Variants in ASIC2 observed in about 807,000 individuals in gnomAD.
ASIC2 encodes acid sensing ion channel subunit 2.
A neutral mutation model predicts 57.3 loss-of-function variants in ASIC2; 25 were observed. That is an observed-to-expected ratio of 0.44 (90% CI 0.32 to 0.61). ASIC2 has a LOEUF of 0.61. Ranked by LOEUF, ASIC2 falls within the 20% of genes least tolerant of loss-of-function variation. The pLI, the probability that ASIC2 is intolerant of heterozygous loss-of-function variation, is 0.06. For synonymous variants in ASIC2, 319 were observed against 307.5 expected, an observed-to-expected ratio of 1.04 and a Z score of -0.39; for missense variants, 641 against 738.1, an observed-to-expected ratio of 0.87 and a Z score of 1.52.
At chr17:33,594,686 G>A (rs372828934) in intron 1 of ASIC2, among the ~76,000 whole-genome samples, 2 of 152,226 alleles carry the variant, frequency 1.3e-5, no homozygotes, top group East Asian at 3.9e-4. Flanking sequence ...AAATTAGCCA[G>A]GCGTGCTGGC....
At position 33,028,384 on chromosome 17, in the gene ASIC2, G is replaced by C; in HGVS notation, c.996C>G (p.Tyr332Ter). Residue 332 changes from tyrosine to a stop codon, truncating the protein, a stop_gained, in exon 4 of 10, where the codon TAC becomes TAG. Coordinates refer to ENST00000225823, the MANE Select transcript of ASIC2 (RefSeq NM_183377.2). LOFTEE classifies it high-confidence loss of function. Reference protein sequence around the residue: ...FVATQEQRLTYLPPPWGECRS... With the variant: ...FVATQEQRLT ...GGCACTCACCCCACGGTGGGGGCAG[G>C]TATGTGAGCTGCAAGACAGGAAGGA... 6.2e-7 allele frequency: 1 copy of C among 1,614,084 alleles called. No individual in the cohort carries two copies. The highest frequency in any genetic ancestry group is 1.1e-5 in the South Asian group (1 of 91,074).
chr17:33,055,911 G>A (rs1339645390), intron 3 of ASIC2, among the ~76,000 whole-genome samples: 1 of 152,198 alleles, frequency 6.6e-6, no homozygotes, highest in Non-Finnish European at 1.5e-5. Flanking sequence ...CTCTGCGTCA[G>A]AATCACCTGG....
intron 1 of ASIC2, among the ~76,000 whole-genome samples, chr17:33,847,194 G>A (rs1035657777): frequency 1.3e-5 from 2 of 151,614 alleles, no homozygotes; most frequent in Non-Finnish European, 1.5e-5. Flanking sequence ...ACAGGAGAAA[G>A]TTTCTAGTAG....
At chr17:33,823,412 C>A (rs747243352) in intron 1 of ASIC2, among the ~76,000 whole-genome samples, 1 of 149,964 alleles carries the variant, frequency 6.7e-6, no homozygotes, top group South Asian at 2.1e-4. Flanking sequence ...ATGTGTATCT[C>A]GAGTCGAGAG....
chr17:33,483,924 C>T (rs1913494671), intron 1 of ASIC2, among the ~76,000 whole-genome samples: 1 of 152,084 alleles, frequency 6.6e-6, no homozygotes, highest in African/African-American at 2.4e-5. Flanking sequence ...CCAGTGGTAT[C>T]ACAGGGGTCC....
rs528504613 is a variant in ASIC2 at position 33,939,206 on chromosome 17, G to C, written c.555+216772C>G. Among the ~76,000 whole-genome samples the C allele has an allele frequency of 2.0e-5, 3 of 152,184 alleles. No homozygotes were observed. The East Asian group carries it at 5.8e-4, about 29-fold the overall frequency. On this transcript the variant is annotated intron_variant, in intron 1 of 9. Transcript: ENST00000359872. ...TATAAGCTTCCTTAAATATCACAAG[G>C]ACATCTCCCGTTTGCCTCATATTCA...
chr17:33,199,026 G>A (rs117872393), intron 1 of ASIC2, among the ~76,000 whole-genome samples: 2,719 of 152,178 alleles, frequency 0.018, 34 homozygotes, highest in Non-Finnish European at 0.024. Flanking sequence ...TATTTTTCTG[G>A]CATCACGCCA....
chr17:33,575,134 T>C (rs1412194848), intron 1 of ASIC2, among the ~76,000 whole-genome samples: 1 of 152,098 alleles, frequency 6.6e-6, no homozygotes, highest in Non-Finnish European at 1.5e-5. Context: ...GGACACAAGA[T>C]CTCAAATGTT....
chr17:33,434,644 C>A (rs1911542273), intron 1 of ASIC2, among the ~76,000 whole-genome samples: 1 of 152,086 alleles, frequency 6.6e-6, no homozygotes, highest in South Asian at 2.1e-4. Flanking sequence ...GGTAACTCAT[C>A]GATATACAAG....
intron 3 of ASIC2, among the ~76,000 whole-genome samples, chr17:33,059,100 T>C (rs1327896493): frequency 2.6e-5 from 4 of 152,066 alleles, no homozygotes; most frequent in African/African-American, 9.7e-5. Context: ...CAAAACTATA[T>C]GCGGAAAAAG....
At chr17:33,902,282 G>T (rs1229947953) in intron 1 of ASIC2, among the ~76,000 whole-genome samples, 2 of 152,076 alleles carry the variant, frequency 1.3e-5, no homozygotes, top group African/African-American at 4.8e-5. Flanking sequence ...CCTTTCCCTT[G>T]AACTACCCAG....
chr17:33,889,236 C>A (rs1007003055), intron 1 of ASIC2, among the ~76,000 whole-genome samples: 8 of 152,116 alleles, frequency 5.3e-5, no homozygotes, highest in Non-Finnish European at 8.8e-5. Flanking sequence ...TTCAACCCCC[C>A]CTCGTTTTTC....
At chr17:34,105,758 T>C (rs1911024368) in intron 1 of ASIC2, among the ~76,000 whole-genome samples, 2 of 152,202 alleles carry the variant, frequency 1.3e-5, no homozygotes, top group Admixed American at 6.5e-5. Flanking sequence ...TGCTCGTTCT[T>C]ACTATGTATA....
intron 1 of ASIC2, among the ~76,000 whole-genome samples, chr17:33,262,871 T>C (rs1190981327): frequency 1.3e-5 from 2 of 152,062 alleles, no homozygotes; most frequent in Non-Finnish European, 2.9e-5. Context: ...GCCTCGCCCA[T>C]GTGTAGATGA....
In ASIC2 at chr17:34,142,670, C is replaced by G. The variant is rs1912304101; in HGVS notation, c.555+13308G>C. Reference sequence around the variant, plus strand: ...ATTTGTCAATTACAGCAAACTTGGGCTGGACATTCAAAATCAAGTCACTGA... The same window carrying G: ...ATTTGTCAATTACAGCAAACTTGGGGTGGACATTCAAAATCAAGTCACTGA... On this transcript the variant is annotated intron_variant, in intron 1 of 9. Transcript: ENST00000359872. Among the ~76,000 whole-genome samples the G allele has an allele frequency of 2.0e-5, 3 of 152,202 alleles. No individual in the cohort carries two copies. In the East Asian group the frequency reaches 5.8e-4, roughly 29 times the overall value.
chr17:34,099,212 GGA>G (rs1567821077), intron 1 of ASIC2, among the ~76,000 whole-genome samples: 18 of 97,228 alleles, frequency 1.9e-4, no homozygotes, highest in Middle Eastern at 6.0e-3. Flanking sequence ...AAGAAAGAAA[GGA>G]AAGAAAAGAA....
intron 3 of ASIC2, among the ~76,000 whole-genome samples, chr17:33,087,962 C>A (rs2092141472): frequency 6.6e-6 from 1 of 152,146 alleles, no homozygotes; most frequent in African/African-American, 2.4e-5. Context: ...TAAAAGCAAG[C>A]TGAGCTCATC....
chr17:33,468,687 C>T (rs1912941444), intron 1 of ASIC2, among the ~76,000 whole-genome samples: 1 of 151,548 alleles, frequency 6.6e-6, no homozygotes, highest in South Asian at 2.1e-4. Flanking sequence ...CACCCCACCC[C>T]CCACACACAT....
chr17:33,456,282 C>T (rs1050368519), intron 1 of ASIC2, among the ~76,000 whole-genome samples: 3 of 152,066 alleles, frequency 2.0e-5, no homozygotes, highest in Non-Finnish European at 4.4e-5. Flanking sequence ...CTGTTTCCTA[C>T]CCCCTTTATT....
Sources: gnomAD v4.1 joint callset for allele counts (sites outside exome capture counted in the v4.1 genomes callset) on GRCh38, gnomAD v4.1.1 for gene constraint, MANE v1.5 for transcripts, NCBI Gene and HGNC (gene_info 2026-07-23, HGNC 2026-07-21) for gene names.